RNF150: variants seen among roughly 807,000 people sequenced by gnomAD.
RNF150 encodes the protein ring finger protein 150.
A neutral mutation model predicts 39.3 loss-of-function variants in RNF150; 24 were observed. The ratio of observed to expected loss-of-function variants is 0.61; its 90% CI spans 0.44 to 0.86. The LOEUF is 0.86. Among genes scored for constraint, RNF150 ranks in the 40% least tolerant of loss-of-function variants. The pLI, the probability that RNF150 is intolerant of heterozygous loss-of-function variation, is 0.00. For missense variants in RNF150, 502 were observed against 587.8 expected, an observed-to-expected ratio of 0.85 and a Z score of 1.51; for synonymous variants, 255 against 227.3, an observed-to-expected ratio of 1.12 and a Z score of -1.10.
chr4:141,209,581 AT>A (rs1379727207), intron 1 of RNF150, among the ~76,000 whole-genome samples: 2 of 152,132 alleles, frequency 1.3e-5, no homozygotes, highest in Non-Finnish European at 2.9e-5. Flanking sequence ...TTTATTCACA[AT>A]TTGTGTTTTC....
intron 1 of RNF150, among the ~76,000 whole-genome samples, chr4:141,148,312 C>T (rs1168056092): frequency 6.6e-6 from 1 of 152,176 alleles, no homozygotes; most frequent in Non-Finnish European, 1.5e-5. Flanking sequence ...ATAAACTATG[C>T]TTCCCTTTAA....
intron 1 of RNF150, among the ~76,000 whole-genome samples, chr4:141,073,114 A>C (rs953573292): frequency 2.0e-5 from 3 of 151,944 alleles, no homozygotes; most frequent in African/African-American, 7.3e-5. Flanking sequence ...ACATCAGGTG[A>C]GCCAGGGACA....
At chr4:141,009,773 T>C (rs1182618159) in intron 1 of RNF150, among the ~76,000 whole-genome samples, 1 of 152,202 alleles carries the variant, frequency 6.6e-6, no homozygotes, top group African/African-American at 2.4e-5. Context: ...ACCAACTTAA[T>C]GTTAATCTTC....
At chr4:140,874,348 C>A (rs1729063946) in intron 6 of RNF150, among the ~76,000 whole-genome samples, 1 of 152,056 alleles carries the variant, frequency 6.6e-6, no homozygotes, top group Non-Finnish European at 1.5e-5. Context: ...ATATCCAGGG[C>A]CTTTATCAAT....
intron 1 of RNF150, among the ~76,000 whole-genome samples, chr4:141,187,704 A>G (rs1728037600): frequency 6.6e-6 from 1 of 152,116 alleles, no homozygotes; most frequent in African/African-American, 2.4e-5. Flanking sequence ...TTTGCTTGGT[A>G]AATGTTCCTC....
At chr4:140,962,139 T>C (rs527320674) in intron 2 of RNF150, among the ~76,000 whole-genome samples, 1 of 151,190 alleles carries the variant, frequency 6.6e-6, no homozygotes, top group South Asian at 2.1e-4. Flanking sequence ...TATGAATACA[T>C]ATGAAGAAAC....
At chr4:140,929,358 GTTTTTTTTTTT>G (rs532514901) in intron 4 of RNF150, among the ~76,000 whole-genome samples, 2 of 51,570 alleles carry the variant, frequency 3.9e-5, no homozygotes, top group African/African-American at 7.9e-5. Flanking sequence ...TGGATGCTAA[GTTTTTTTTTTT>G]TTTTTTTTTT....
chr4:140,921,121 G>A (rs1731112321), intron 5 of RNF150, among the ~76,000 whole-genome samples: 1 of 150,722 alleles, frequency 6.6e-6, no homozygotes, highest in South Asian at 2.1e-4. Context: ...CATGGCACAT[G>A]CATACATATG....
rs1352758991 is a variant in RNF150, at chr4:140,861,260, C to T, written c.*7001G>A. 1 of 152,192 alleles carries T rather than the reference C, an allele frequency of 6.6e-6. No individual in the cohort carries two copies. Among genetic ancestry groups the T allele is most frequent in the Admixed American group, 6.5e-5 (1 of 15,272 alleles). 9.4% of individuals were successfully genotyped at this position (152,192 alleles called of 1,614,324 possible). A position where few individuals can be genotyped will look rare whatever the true frequency, so the allele number is the denominator to read the frequency against. ...GATAACTTACAAAAACAAGCAGTCCCTTGCTTATAACTGCACAAACATTCT... is the reference window on the plus strand; with the variant it reads ...GATAACTTACAAAAACAAGCAGTCCTTTGCTTATAACTGCACAAACATTCT... On this transcript the variant is annotated 3_prime_UTR_variant, in exon 7 of 7. Coordinates refer to ENST00000515673, the MANE Select transcript of RNF150 (RefSeq NM_020724.2).
chr4:141,129,530 A>C (rs1726839334), intron 1 of RNF150, among the ~76,000 whole-genome samples: 1 of 152,220 alleles, frequency 6.6e-6, no homozygotes, highest in Non-Finnish European at 1.5e-5. Flanking sequence ...TTAGAACTAG[A>C]TAGTGATGAT....
intron 1 of RNF150, among the ~76,000 whole-genome samples, chr4:141,105,741 T>A (rs1422945808): frequency 6.6e-6 from 1 of 152,214 alleles, no homozygotes; most frequent in Non-Finnish European, 1.5e-5. Flanking sequence ...AAAATGTCAA[T>A]TATTTTTCAA....
intron 1 of RNF150, among the ~76,000 whole-genome samples, chr4:141,209,176 G>T (rs1389045722): frequency 1.3e-5 from 2 of 151,934 alleles, no homozygotes; most frequent in Non-Finnish European, 2.9e-5. Context: ...AAGGCAAATT[G>T]CGTTTCCCGA....
intron 1 of RNF150, among the ~76,000 whole-genome samples, chr4:141,106,601 T>C (rs1372959736): frequency 1.3e-5 from 2 of 152,108 alleles, no homozygotes; most frequent in African/African-American, 4.8e-5. Flanking sequence ...GAGACCAACC[T>C]GGCTGATGTG....
chr4:140,878,117 A>G (rs1729228162), intron 6 of RNF150, among the ~76,000 whole-genome samples: 1 of 130,358 alleles, frequency 7.7e-6, no homozygotes, highest in Non-Finnish European at 1.7e-5. Flanking sequence ...TTATTTATTT[A>G]TTTTTAATAT....
At chr4:141,207,426 G>A (rs1728391913) in intron 1 of RNF150, among the ~76,000 whole-genome samples, 2 of 152,098 alleles carry the variant, frequency 1.3e-5, no homozygotes, top group Non-Finnish European at 2.9e-5. Flanking sequence ...GTTCCTGGAG[G>A]GGGTCAAATG....
intron 1 of RNF150, among the ~76,000 whole-genome samples, chr4:141,190,268 T>C (rs1398860331): frequency 6.6e-6 from 1 of 152,226 alleles, no homozygotes; most frequent in Non-Finnish European, 1.5e-5. Flanking sequence ...GCTGTTCCTA[T>C]TAGGCCATTT....
At chr4:141,205,855 G>A (rs183304915) in intron 1 of RNF150, among the ~76,000 whole-genome samples, 14 of 152,198 alleles carry the variant, frequency 9.2e-5, no homozygotes, top group South Asian at 8.3e-4. Flanking sequence ...GTATGTGTGC[G>A]CACACCTGTG....
At chr4:141,174,289 C>T (rs751486748) in intron 1 of RNF150, among the ~76,000 whole-genome samples, 1 of 152,158 alleles carries the variant, frequency 6.6e-6, no homozygotes, top group African/African-American at 2.4e-5. Context: ...GTCCCTCCCT[C>T]TATCCTTCTG....
chr4:140,908,669 T>C (rs1192004024), intron 6 of RNF150, among the ~76,000 whole-genome samples: 3 of 152,210 alleles, frequency 2.0e-5, no homozygotes, highest in African/African-American at 7.2e-5. Context: ...ACTCTGAGTC[T>C]GTTTTATGCA....
Sources: allele counts gnomAD v4.1 joint callset (sites outside exome capture counted in the v4.1 genomes callset), GRCh38; gene constraint gnomAD v4.1.1; transcripts MANE v1.5; gene names NCBI Gene and HGNC (gene_info 2026-07-23, HGNC 2026-07-21).